The following TRHDE variants were observed in gnomAD, a reference collection of about 807,000 sequenced individuals.
TRHDE encodes thyrotropin releasing hormone degrading enzyme.
A neutral mutation model predicts 125.7 loss-of-function variants in TRHDE; 72 were observed. The observed-to-expected ratio is 0.57, with a 90% confidence interval of 0.47 to 0.70. The LOEUF (loss-of-function observed/expected upper bound fraction) is 0.70, where lower values mean the gene tolerates loss of function less well. TRHDE is among the 30% of genes least tolerant of loss of function. TRHDE has a pLI of 0.00. For missense variants in TRHDE, 1,110 were observed against 1,327.1 expected (o/e 0.84, Z 2.54); for synonymous variants, 509 against 509.1 (o/e 1.00, Z 0.00).
At position 72,470,863 on chromosome 12, in the gene TRHDE, CTTTTTTTTTTTTT is replaced by C. The variant is rs768937293; in HGVS notation, c.1470+970_1470+982del. Among the ~76,000 whole-genome samples the C allele has an allele frequency of 7.4e-4, 50 of 67,942 alleles. 3 individuals are homozygous for C. In the East Asian group the frequency reaches 0.022, roughly 30 times the overall value. 44.6% of individuals were successfully genotyped at this position (67,942 alleles called of 152,430 possible). On this transcript the variant is annotated intron_variant, in intron 4 of 18. Transcript: ENST00000261180. Reference sequence around the variant, plus strand: ...GACGACCGTTCTATGTAAATGTCAGCTTTTTTTTTTTTTTTTTTTTTTTTTTTTTTTGAGACTG... The same window carrying C: ...GACGACCGTTCTATGTAAATGTCAGCTTTTTTTTTTTTTTTTTTGAGACTG...
In TRHDE at chr12:72,577,773, C is replaced by T. The variant is rs1270119886; in HGVS notation, c.2321+2231C>T. Reference sequence around the variant, plus strand: ...TCTTCTTCCCTAAGACAGAACATTGCTTTCAATTCCAATTTTGCATGCTTT... The same window carrying T: ...TCTTCTTCCCTAAGACAGAACATTGTTTTCAATTCCAATTTTGCATGCTTT... On this transcript the variant is annotated intron_variant, in intron 12 of 18. Transcript: ENST00000261180. Among the ~76,000 whole-genome samples, 7 of 152,156 alleles carry T rather than the reference C, an allele frequency of 4.6e-5. No homozygotes were observed. In the East Asian group the frequency reaches 1.4e-3, roughly 29 times the overall value.
chr12:72,430,414 CAT>C (rs1874418892), intron 3 of TRHDE, among the ~76,000 whole-genome samples: 1 of 142,146 alleles, frequency 7.0e-6, no homozygotes, highest in South Asian at 2.2e-4. Context: ...TATATATGTG[CAT>C]ATATATACAT....
intron 2 of TRHDE, among the ~76,000 whole-genome samples, chr12:72,261,819 C>G (rs1215194275): frequency 6.6e-6 from 1 of 152,116 alleles, no homozygotes; most frequent in African/African-American, 2.4e-5. Flanking sequence ...TTGAAAAATT[C>G]AAAGTGCTTT....
chr12:72,478,975 C>T (rs531491329), intron 5 of TRHDE, among the ~76,000 whole-genome samples: 1 of 141,896 alleles, frequency 7.0e-6, no homozygotes, highest in East Asian at 2.2e-4. Flanking sequence ...TTACCTGTTA[C>T]ACTAACAGGT....
chr12:72,366,381 A>T (rs1871339492), intron 2 of TRHDE, among the ~76,000 whole-genome samples: 1 of 152,170 alleles, frequency 6.6e-6, no homozygotes, highest in Non-Finnish European at 1.5e-5. Flanking sequence ...GATTTACAAG[A>T]AGAGACTATA....
chr12:72,661,343 C>T (rs188904409), intron 18 of TRHDE, among the ~76,000 whole-genome samples: 1 of 152,192 alleles, frequency 6.6e-6, no homozygotes, highest in Admixed American at 6.5e-5. Flanking sequence ...GTTAAAGTTG[C>T]TAAAGGGTCA....
At chr12:72,167,243 A>G (rs1420032207) in intron 2 of TRHDE, among the ~76,000 whole-genome samples, 1 of 152,114 alleles carries the variant, frequency 6.6e-6, no homozygotes, top group Non-Finnish European at 1.5e-5. Context: ...GGATTTCTCT[A>G]TGAGTTTAAG....
chr12:72,189,222 A>G (rs916965618), intron 2 of TRHDE, among the ~76,000 whole-genome samples: 2 of 152,262 alleles, frequency 1.3e-5, no homozygotes, highest in African/African-American at 4.8e-5. Context: ...ATAACAGCTT[A>G]ATACTATATT....
At chr12:72,441,930 C>T (rs1274479298) in intron 3 of TRHDE, among the ~76,000 whole-genome samples, 2 of 151,850 alleles carry the variant, frequency 1.3e-5, no homozygotes, top group African/African-American at 4.8e-5. Context: ...CTTGGGAACA[C>T]CAGACAGAAT....
rs755051819 is a variant in TRHDE, at chr12:72,473,150, T to C, written c.1554T>C (p.Gly518=). Reference sequence around the variant, plus strand: ...TTGCTCACTACTTTGAATTTGTTGGTACAGACTACCTCTATCCTGGCTGGA... The same window carrying C: ...TTGCTCACTACTTTGAATTTGTTGGCACAGACTACCTCTATCCTGGCTGGA... The part of the protein sequence containing the change: ...EGFAHYFEFV[G]TDYLYPGWNM... Residue 518 remains glycine (G), a synonymous_variant, in exon 5 of 19, where the codon GGT becomes GGC. Transcript: ENST00000261180. 2.5e-6 allele frequency: 4 copies of C among 1,613,846 alleles called. No individual in the cohort carries two copies. The highest frequency in any genetic ancestry group is 3.4e-6 in the Non-Finnish European group (4 of 1,179,874).
intron 2 of TRHDE, among the ~76,000 whole-genome samples, chr12:72,322,899 A>G (rs1162741429): frequency 6.6e-6 from 1 of 152,146 alleles, no homozygotes; most frequent in Non-Finnish European, 1.5e-5. Context: ...GACTTAGCCT[A>G]CCTAGGCTCT....
At chr12:72,254,082 C>G (rs1431897425) in intron 2 of TRHDE, 2 of 151,936 alleles carry the variant, frequency 1.3e-5, no homozygotes, top group Non-Finnish European at 2.9e-5. Context: ...GAATGTATTG[C>G]CTAATGAGAA....
intron 6 of TRHDE, among the ~76,000 whole-genome samples, chr12:72,519,623 T>C (rs1219588346): frequency 2.0e-5 from 3 of 152,256 alleles, no homozygotes; most frequent in African/African-American, 7.2e-5. Flanking sequence ...TTTGATCATC[T>C]GAAGCCTTCC....
intron 2 of TRHDE, among the ~76,000 whole-genome samples, chr12:72,310,070 A>G (rs961147522): frequency 2.0e-5 from 3 of 152,166 alleles, no homozygotes; most frequent in Non-Finnish European, 2.9e-5. Flanking sequence ...GCACAAGAAT[A>G]ATGGAAGATG....
At chr12:72,123,823 C>T (rs1875648281) in intron 2 of TRHDE, among the ~76,000 whole-genome samples, 2 of 152,080 alleles carry the variant, frequency 1.3e-5, no homozygotes, top group African/African-American at 2.4e-5. Context: ...TATCATGCCT[C>T]ATTACAATCA....
At chr12:72,524,271 C>G (rs1868296920) in intron 6 of TRHDE, among the ~76,000 whole-genome samples, 1 of 152,170 alleles carries the variant, frequency 6.6e-6, no homozygotes, top group Non-Finnish European at 1.5e-5. Flanking sequence ...AAACCTTACT[C>G]AAGCAATTAT....
chr12:72,106,958 C>T (rs188886667), intron 2 of TRHDE, among the ~76,000 whole-genome samples: 1 of 152,140 alleles, frequency 6.6e-6, no homozygotes, highest in African/African-American at 2.4e-5. Context: ...AGATTTAGGC[C>T]TACAGGTTGC....
intron 3 of TRHDE, among the ~76,000 whole-genome samples, chr12:72,402,638 T>G (rs1873091568): frequency 6.6e-6 from 1 of 152,208 alleles, no homozygotes; most frequent in African/African-American, 2.4e-5. Flanking sequence ...CAAAGACTAT[T>G]TCCAAGTAAG....
chr12:72,280,075 A>T (rs904729564), intron 1 of TRHDE, among the ~76,000 whole-genome samples: 6 of 152,004 alleles, frequency 3.9e-5, no homozygotes, highest in African/African-American at 1.4e-4. Context: ...GTGTGTGTGT[A>T]TGTGTTTAGT....
Sources: gnomAD v4.1 joint callset for allele counts (sites outside exome capture counted in the v4.1 genomes callset) on GRCh38, gnomAD v4.1.1 for gene constraint, MANE v1.5 for transcripts, NCBI Gene and HGNC (gene_info 2026-07-23, HGNC 2026-07-21) for gene names.